Variants in WDFY3 observed in about 807,000 individuals in gnomAD.
WDFY3 encodes the protein WD repeat and FYVE domain-containing protein 3.
Under a neutral mutation model 409.6 loss-of-function variants are expected in WDFY3, and 66 were observed. The ratio of observed to expected loss-of-function variants is 0.16; its 90% CI spans 0.13 to 0.20. WDFY3 has a LOEUF of 0.20. Among genes scored for constraint, WDFY3 ranks in the 10% least tolerant of loss-of-function variants. The probability of loss-of-function intolerance (pLI) is 1.00; values close to 1 mark genes in which losing one functional copy is unlikely to be tolerated. For missense variants in WDFY3, 3,031 were observed against 4,298.1 expected (o/e 0.71, Z 8.24); for synonymous variants, 1,521 against 1,537.1 (o/e 0.99, Z 0.25).
At chr4:84,694,706 G>A (rs987299399) in intron 58 of WDFY3, among the ~76,000 whole-genome samples, 3 of 152,116 alleles carry the variant, frequency 2.0e-5, no homozygotes, top group Non-Finnish European at 2.9e-5. Context: ...TGAGGTGTGA[G>A]GACTGCTTGA....
chr4:84,714,717 G>T (rs1235297189), intron 50 of WDFY3, among the ~76,000 whole-genome samples: 1 of 152,014 alleles, frequency 6.6e-6, no homozygotes, highest in African/African-American at 2.4e-5. Context: ...TTGGGAGGCC[G>T]AGGTGGGCAG....
intron 35 of WDFY3, among the ~76,000 whole-genome samples, chr4:84,753,320 A>G (rs904969860): frequency 6.6e-6 from 1 of 152,238 alleles, no homozygotes; most frequent in South Asian, 2.1e-4. Flanking sequence ...TACTTCCTAA[A>G]ATAAAAAATA....
intron 43 of WDFY3, 112 bp downstream of exon 43, chr4:84,734,931 G>T: frequency 1.2e-6 from 1 of 814,262 alleles, no homozygotes; most frequent in Non-Finnish European, 1.9e-6. Flanking sequence ...ATCTGATGAC[G>T]AATGCAGTCC....
rs781440189 is a variant in WDFY3, at chr4:84,850,926, C to CTTTTTTTTTTTTTTTTT, written c.181-902_181-901insAAAAAAAAAAAAAAAAA. Among the ~76,000 whole-genome samples the CTTTTTTTTTTTTTTTTT allele has an allele frequency of 1.9e-3, 60 of 32,152 alleles. 3 individuals carry two copies. Among genetic ancestry groups the CTTTTTTTTTTTTTTTTT allele is most frequent in the Non-Finnish European group, 2.1e-3 (35 of 16,918 alleles). The allele number at this position is 32,152 out of a possible 152,430, so 21.1% of individuals were successfully genotyped here. A position where few individuals can be genotyped will look rare whatever the true frequency, so the allele number is the denominator to read the frequency against. The stretch of plus-strand genomic sequence containing the variant: ...AATTCTTATTTTTAATTTTATTTAT[C>CTTTTTTTTTTTTTTTTT]TGTTTTTTTTTTTTTTTTTTTTTTT... On this transcript the variant is annotated intron_variant, in intron 4 of 67. Coordinates refer to ENST00000295888, the MANE Select transcript of WDFY3 (RefSeq NM_014991.6).
chr4:84,813,705 C>G (rs998874802), intron 13 of WDFY3, among the ~76,000 whole-genome samples: 2 of 152,120 alleles, frequency 1.3e-5, no homozygotes, highest in Non-Finnish European at 1.5e-5. Context: ...CCAATTACTT[C>G]TTGTTGGCTT....
chr4:84,751,941 C>T (rs1740593653), intron 35 of WDFY3, among the ~76,000 whole-genome samples: 1 of 152,022 alleles, frequency 6.6e-6, no homozygotes, highest in Non-Finnish European at 1.5e-5. Context: ...ACTAACAATA[C>T]GTCACCTTTA....
chr4:84,766,197 T>C (rs970843184), intron 31 of WDFY3, 55 bp downstream of exon 31: 58 of 1,530,432 alleles, frequency 3.8e-5, no homozygotes, highest in Non-Finnish European at 4.9e-5. Flanking sequence ...TTGCCTAACA[T>C]GAATTAACTA....
At chr4:84,692,311 A>T (rs1177425039) in intron 59 of WDFY3, among the ~76,000 whole-genome samples, 1 of 152,222 alleles carries the variant, frequency 6.6e-6, no homozygotes, top group Non-Finnish European at 1.5e-5. Context: ...AATGAGGACA[A>T]ATGGCATAGA....
intron 25 of WDFY3, 106 bp from the exon 26 acceptor site, chr4:84,780,404 A>G (rs1417418120): frequency 4.3e-6 from 5 of 1,157,420 alleles, no homozygotes; most frequent in African/African-American, 1.6e-5. Flanking sequence ...TTATTTTAAA[A>G]ATATCTTCTG....
At chr4:84,792,084 T>A (rs1422694924) in intron 21 of WDFY3, among the ~76,000 whole-genome samples, 1 of 152,130 alleles carries the variant, frequency 6.6e-6, no homozygotes, top group African/African-American at 2.4e-5. Context: ...AACAAGTAAA[T>A]ATACTGAAAG....
chr4:84,725,472 T>C (rs1163301078), intron 45 of WDFY3, among the ~76,000 whole-genome samples: 1 of 152,128 alleles, frequency 6.6e-6, no homozygotes, highest in East Asian at 1.9e-4. Context: ...TGTTTTCCCC[T>C]TAAAATCACG....
At chr4:84,792,056 T>A (rs948844908) in intron 21 of WDFY3, among the ~76,000 whole-genome samples, 1 of 152,178 alleles carries the variant, frequency 6.6e-6, no homozygotes, top group Non-Finnish European at 1.5e-5. Context: ...AGATCCAGTA[T>A]TTTTCACTGC....
chr4:84,794,401 T>C, intron 21 of WDFY3, 118 bp downstream of exon 21: 6 of 1,015,986 alleles, frequency 5.9e-6, no homozygotes, highest in Non-Finnish European at 7.1e-6. Context: ...TGTAACTTGT[T>C]CTATGCTATA....
intron 3 of WDFY3, among the ~76,000 whole-genome samples, chr4:84,865,998 G>A (rs564215806): frequency 6.6e-6 from 1 of 152,146 alleles, no homozygotes; most frequent in African/African-American, 2.4e-5. Flanking sequence ...TGGGTCTGGG[G>A]ACATAAAGGC....
chr4:84,727,124 G>A (rs541500096), intron 44 of WDFY3, among the ~76,000 whole-genome samples: 9 of 151,924 alleles, frequency 5.9e-5, no homozygotes, highest in Non-Finnish European at 1.3e-4. Flanking sequence ...GCTTAAATAC[G>A]GCAAACGTCT....
chr4:84,841,877 T>C (rs1320556256), intron 5 of WDFY3, among the ~76,000 whole-genome samples: 1 of 152,094 alleles, frequency 6.6e-6, no homozygotes, highest in Non-Finnish European at 1.5e-5. Context: ...ATTAATCTAG[T>C]AGTAATGTGT....
At chr4:84,770,966 CTGA>C in intron 30 of WDFY3, among the ~76,000 whole-genome samples, 1 of 152,216 alleles carries the variant, frequency 6.6e-6, no homozygotes, top group South Asian at 2.1e-4. Flanking sequence ...TGACAATAAG[CTGA>C]TGAGAGTATC....
rs1560603648 is a variant in WDFY3, at chr4:84,724,530, G to A, written c.7337C>T (p.Ser2446Phe). 4 of 1,614,134 alleles carry A rather than the reference G, an allele frequency of 2.5e-6. No individual in the cohort carries two copies. Among genetic ancestry groups the A allele is most frequent in the African/African-American group, 1.3e-5 (1 of 75,040 alleles). The change falls in exon 46 of 68, where the codon TCT (serine) becomes TTT (phenylalanine). Residue 2446 changes from serine (S) to phenylalanine (F), a missense_variant. Ser to Phe is a radical substitution (Grantham distance 155). Transcript: ENST00000295888. ...DSKEYYMRLA[S>F]GNPAIVQDAI... ...GTCTTGGACAATGGCGGGATTGCCA[G>A]AGGCCAGTCGCATGTAGTACTCTTT...
chr4:84,884,400 T>C (rs77229687), intron 3 of WDFY3, among the ~76,000 whole-genome samples: 3,226 of 152,184 alleles, frequency 0.021, 113 homozygotes, highest in African/African-American at 0.074. Context: ...TATACACTTG[T>C]ACTCTCAGAC....
Sources: gnomAD v4.1 joint callset for allele counts (sites outside exome capture counted in the v4.1 genomes callset) on GRCh38, gnomAD v4.1.1 for gene constraint, MANE v1.5 for transcripts, NCBI Gene and HGNC (gene_info 2026-07-23, HGNC 2026-07-21) for gene names.